The following ODAD2 variants were observed in gnomAD, a reference collection of about 807,000 sequenced individuals.
ODAD2 encodes the protein outer dynein arm-docking complex subunit 2.
ODAD2 carries 89 observed loss-of-function variants against 106.8 expected under a neutral mutation model. The ratio of observed to expected loss-of-function variants is 0.83; its 90% confidence interval spans 0.70 to 0.99. ODAD2 has a LOEUF of 0.99. Among genes scored for constraint, ODAD2 ranks in the 50% least tolerant of loss-of-function variants. ODAD2 has a pLI of 0.00. For missense variants in ODAD2, 1,168 were observed against 1,238.5 expected (o/e 0.94, Z 0.85); for synonymous variants, 404 against 436.2 (o/e 0.93, Z 0.92).
intron 17 of ODAD2, among the ~76,000 whole-genome samples, chr10:27,881,339 T>C (rs1841691631): frequency 6.6e-6 from 1 of 152,108 alleles, no homozygotes; most frequent in Admixed American, 6.6e-5. Context: ...GTACTGTATA[T>C]TCAATGCCAC....
chr10:27,930,495 T>C (rs113051915), intron 16 of ODAD2, among the ~76,000 whole-genome samples: 2,508 of 151,728 alleles, frequency 0.017, 52 homozygotes, highest in African/African-American at 0.049. Flanking sequence ...GCCTGGGTGA[T>C]AGAGTGAGAC....
intron 19 of ODAD2, among the ~76,000 whole-genome samples, chr10:27,819,022 G>A (rs1836379193): frequency 6.6e-6 from 1 of 152,132 alleles, no homozygotes; most frequent in Non-Finnish European, 1.5e-5. Context: ...ATACCTCTGG[G>A]GGTCACTGCA....
At chr10:27,827,379 C>CACTATA (rs1239159370) in intron 19 of ODAD2, among the ~76,000 whole-genome samples, 18 of 132,468 alleles carry the variant, frequency 1.4e-4, no homozygotes, top group African/African-American at 3.6e-4. Context: ...CACACACACA[C>CACTATA]TATATATATA....
intron 9 of ODAD2, among the ~76,000 whole-genome samples, chr10:27,967,584 A>G (rs1338954988): frequency 1.3e-5 from 2 of 151,536 alleles, no homozygotes; most frequent in African/African-American, 4.8e-5. Flanking sequence ...GGTGGCAGAG[A>G]AGGCCTTCTA....
At chr10:27,978,141 T>C (rs1564570487) in intron 7 of ODAD2, among the ~76,000 whole-genome samples, 1 of 152,210 alleles carries the variant, frequency 6.6e-6, no homozygotes, top group Non-Finnish European at 1.5e-5. Flanking sequence ...AAACAAATTG[T>C]GGCATATCCA....
chr10:27,921,288 C>A (rs1333940521), intron 16 of ODAD2, among the ~76,000 whole-genome samples: 1 of 150,232 alleles, frequency 6.7e-6, no homozygotes. Flanking sequence ...GAGTGAGACC[C>A]CACCTCCAAC....
intron 2 of ODAD2, among the ~76,000 whole-genome samples, chr10:27,989,297 A>T (rs576465622): frequency 7.2e-5 from 11 of 152,340 alleles, no homozygotes; most frequent in South Asian, 4.1e-4. Flanking sequence ...TGCCCCTATC[A>T]CCAGCACTTC....
At chr10:27,844,099 G>A (rs189094464) in intron 19 of ODAD2, among the ~76,000 whole-genome samples, 103 of 152,292 alleles carry the variant, frequency 6.8e-4, no homozygotes, top group South Asian at 1.9e-3. Flanking sequence ...TGGGGAGGCC[G>A]AGGCAGACAG....
At chr10:27,971,400 A>C (rs1160930999) in intron 7 of ODAD2, 87 bp from the exon 8 acceptor site, 1 of 1,183,350 alleles carries the variant, frequency 8.5e-7, no homozygotes, top group Non-Finnish European at 1.2e-6. Context: ...AAATTCAGGA[A>C]AGGAAGTCTC....
At chr10:27,868,820 A>G (rs1840645881) in intron 17 of ODAD2, among the ~76,000 whole-genome samples, 1 of 152,154 alleles carries the variant, frequency 6.6e-6, no homozygotes, top group Non-Finnish European at 1.5e-5. Flanking sequence ...CTGCACATGT[A>G]TCTTGGAACT....
At chr10:27,919,830 G>A (rs1417392539) in intron 16 of ODAD2, among the ~76,000 whole-genome samples, 1 of 152,136 alleles carries the variant, frequency 6.6e-6, no homozygotes, top group East Asian at 1.9e-4. Context: ...CATAACATGA[G>A]TAAACTTTCC....
At chr10:27,986,376 T>C (rs1159955376) in intron 3 of ODAD2, among the ~76,000 whole-genome samples, 2 of 152,206 alleles carry the variant, frequency 1.3e-5, no homozygotes, top group Non-Finnish European at 2.9e-5. Context: ...AGGATAAGTA[T>C]TTAGCAAATG....
At chr10:27,979,508 T>C (rs1269783982) in intron 7 of ODAD2, among the ~76,000 whole-genome samples, 1 of 151,764 alleles carries the variant, frequency 6.6e-6, no homozygotes, top group Non-Finnish European at 1.5e-5. Context: ...CGAAATTCAA[T>C]CTTGATTTTA....
chr10:27,859,327 C>T (rs543073376), intron 19 of ODAD2, among the ~76,000 whole-genome samples: 1 of 152,172 alleles, frequency 6.6e-6, no homozygotes, highest in South Asian at 2.1e-4. Flanking sequence ...GCCATAAAAA[C>T]AGATTTATAA....
intron 17 of ODAD2, among the ~76,000 whole-genome samples, chr10:27,871,083 A>T (rs557622403): frequency 1.6e-4 from 25 of 152,142 alleles, no homozygotes; most frequent in African/African-American, 6.0e-4. Flanking sequence ...TGTGGTTTTG[A>T]TTTGTACTTC....
At chr10:27,885,897 ATATATAAAAATATATATATATTTT>A (rs1564467183) in intron 17 of ODAD2, among the ~76,000 whole-genome samples, 1 of 122,242 alleles carries the variant, frequency 8.2e-6, no homozygotes, top group Non-Finnish European at 1.6e-5. Flanking sequence ...ATATATATTT[ATATATAAAAATATATATATATTTT>A]TATATATATC....
intron 19 of ODAD2, among the ~76,000 whole-genome samples, chr10:27,856,261 A>G (rs1053838506): frequency 6.6e-6 from 1 of 151,174 alleles, no homozygotes; most frequent in Non-Finnish European, 1.5e-5. Flanking sequence ...ATCACACTGT[A>G]TTGGAGGGGA....
At chr10:27,948,779 A>ATTTTTTTTTTTTTTT (rs11451204) in intron 10 of ODAD2, among the ~76,000 whole-genome samples, 9 of 40,316 alleles carry the variant, frequency 2.2e-4, no homozygotes, top group Admixed American at 4.6e-4. Context: ...TGGCCTTTGG[A>ATTTTTTTTTTTTTTT]TTTTTTTTTT....
At chr10:27,977,350 G>T (rs1186111943) in intron 7 of ODAD2, among the ~76,000 whole-genome samples, 1 of 151,498 alleles carries the variant, frequency 6.6e-6, no homozygotes, top group East Asian at 1.9e-4. Context: ...AGATCACAAG[G>T]TCAGGAGATT....
Sources: gnomAD v4.1 joint callset for allele counts (sites outside exome capture counted in the v4.1 genomes callset) on GRCh38, gnomAD v4.1.1 for gene constraint, MANE v1.5 for transcripts, NCBI Gene and HGNC (gene_info 2026-07-23, HGNC 2026-07-21) for gene names.